The following PLLP variants were observed in gnomAD, a reference collection of about 807,000 sequenced individuals.
The protein encoded by PLLP is plasma membrane proteolipid (plasmolipin).
Under a neutral mutation model 19.7 loss-of-function variants are expected in PLLP, and 15 were observed. The ratio of observed to expected loss-of-function variants is 0.76; its 90% confidence interval spans 0.51 to 1.17. The LOEUF (loss-of-function observed/expected upper bound fraction) is 1.17. Among genes scored for constraint, PLLP ranks in the 50% most tolerant of loss-of-function variants. The probability of loss-of-function intolerance (pLI) is 0.00; values close to 1 mark genes in which losing one functional copy is unlikely to be tolerated. For synonymous variants in PLLP, 111 were observed against 116.3 expected, an observed-to-expected ratio of 0.95 and a Z score of 0.29; for missense variants, 255 against 258.3, an observed-to-expected ratio of 0.99 and a Z score of 0.09.
chr16:57,262,165 T>TA, intron 1 of PLLP, 95 bp from the exon 2 acceptor site: 1 of 1,234,724 alleles, frequency 8.1e-7, no homozygotes, highest in Non-Finnish European at 1.2e-6. Flanking sequence ...CTCATGCCTG[T>TA]AATGTCAGCA....
In PLLP at chr16:57,284,584, C is replaced by G. The variant is rs759742764; in HGVS notation, c.-44G>C. 1 of 1,315,972 alleles carries G rather than the reference C, an allele frequency of 7.6e-7. No individual in the cohort carries two copies. 81.5% of individuals were successfully genotyped at this position (1,315,972 alleles called of 1,614,324 possible). ...CCGAGGTCGCTACGGCCGCCGTCGC[C>G]GCCCCTCCAGCGGTGGGTGCCGGCT... On this transcript the variant is annotated 5_prime_UTR_variant, in exon 1 of 4. Coordinates refer to ENST00000219207, the MANE Select transcript of PLLP (RefSeq NM_015993.3).
At position 57,283,594 on chromosome 16, in the gene PLLP, G is replaced by A. The variant is rs190271667; in HGVS notation, c.135+812C>T. 1.2e-3 allele frequency among the ~76,000 whole-genome samples: 184 copies of A among 152,352 alleles called. 4 individuals carry two copies. The South Asian group carries it at 0.013, about 11-fold the overall frequency. ...TCCAGACCCTCACGAAAGGGTGGCA[G>A]AGGAAGAAGCTAACATCCGGGCCTG... is the stretch of plus-strand genomic sequence containing the variant. On this transcript the variant is annotated intron_variant, in intron 1 of 3. Coordinates refer to ENST00000219207, the MANE Select transcript of PLLP (RefSeq NM_015993.3).
intron 1 of PLLP, among the ~76,000 whole-genome samples, chr16:57,272,788 T>C (rs1901089809): frequency 6.6e-6 from 1 of 151,620 alleles, no homozygotes; most frequent in Non-Finnish European, 1.5e-5. Context: ...TCCCCATCTC[T>C]ACAAAAAAAC....
chr16:57,265,436 G>T (rs1157654870), intron 1 of PLLP, among the ~76,000 whole-genome samples: 1 of 152,224 alleles, frequency 6.6e-6, no homozygotes, highest in Non-Finnish European at 1.5e-5. Flanking sequence ...AATTCCTCAT[G>T]GGCCTCCGCT....
chr16:57,258,730 T>C, intron 2 of PLLP, 146 bp from the exon 3 acceptor site: 1 of 752,220 alleles, frequency 1.3e-6, no homozygotes, highest in Non-Finnish European at 2.2e-6. Flanking sequence ...GAGACCAGCC[T>C]GGGGAACATA....
chr16:57,280,113 CCCTT>C (rs1318647458), intron 1 of PLLP, among the ~76,000 whole-genome samples: 1 of 152,204 alleles, frequency 6.6e-6, no homozygotes, highest in East Asian at 1.9e-4. Flanking sequence ...TGATGAGTCT[CCCTT>C]CCTGCAGTCC....
chr16:57,268,531 C>G (rs2075464858), intron 1 of PLLP, among the ~76,000 whole-genome samples: 1 of 152,178 alleles, frequency 6.6e-6, no homozygotes, highest in African/African-American at 2.4e-5. Flanking sequence ...CACTTTGTCA[C>G]CCAGGCTGGA....
intron 1 of PLLP, among the ~76,000 whole-genome samples, chr16:57,281,113 C>T (rs899698527): frequency 1.1e-4 from 16 of 152,222 alleles, no homozygotes; most frequent in African/African-American, 3.9e-4. Context: ...CCAAGAGCTC[C>T]TGGAAAGCAG....
intron 2 of PLLP, among the ~76,000 whole-genome samples, chr16:57,259,715 G>A (rs956907287): frequency 1.2e-4 from 19 of 152,316 alleles, no homozygotes; most frequent in Non-Finnish European, 7.4e-5. Context: ...TGTGGCTCAT[G>A]CCTGTAATCC....
At chr16:57,266,326 C>A (rs1762030162) in intron 1 of PLLP, among the ~76,000 whole-genome samples, 1 of 152,178 alleles carries the variant, frequency 6.6e-6, no homozygotes, top group South Asian at 2.1e-4. Flanking sequence ...TGCTGCCTGG[C>A]TCTGTGCCTG....
intron 2 of PLLP, among the ~76,000 whole-genome samples, chr16:57,260,467 C>T (rs1016361396): frequency 5.9e-5 from 9 of 152,170 alleles, no homozygotes; most frequent in African/African-American, 1.7e-4. Flanking sequence ...TCCCTGCAAG[C>T]CCAGCGACCC....
chr16:57,274,824 C>T (rs1156534982), intron 1 of PLLP, among the ~76,000 whole-genome samples: 15 of 151,770 alleles, frequency 9.9e-5, no homozygotes, highest in African/African-American at 3.4e-4. Flanking sequence ...TGCAGTGATG[C>T]GATCTTGTCT....
Position 57,284,405 on chromosome 16 carries a change from C to G in PLLP, c.135+1G>C. 1.4e-6 allele frequency: 2 copies of G among 1,411,220 alleles called. No homozygotes were observed. Among genetic ancestry groups the G allele is most frequent in the South Asian group, 2.9e-5 (2 of 68,934 alleles). The allele number at this position is 1,411,220 out of a possible 1,614,324, so 87.4% of individuals were successfully genotyped here. ...CCCCGTGGGCCCGCGCGTGCTCTCACCAGCTGCAGCAGCATGAGCGCCCCG... is the reference window on the plus strand; with the variant it reads ...CCCCGTGGGCCCGCGCGTGCTCTCAGCAGCTGCAGCAGCATGAGCGCCCCG... On this transcript the variant is annotated splice_donor_variant, in intron 1 of 3. Transcript: ENST00000219207. LOFTEE classifies it high-confidence loss of function.
chr16:57,276,046 T>C (rs1167965673), intron 1 of PLLP, among the ~76,000 whole-genome samples: 6 of 152,170 alleles, frequency 3.9e-5, no homozygotes, highest in African/African-American at 1.4e-4. Context: ...AGGCGGAGGT[T>C]GCAGTGATTC....
intron 1 of PLLP, among the ~76,000 whole-genome samples, chr16:57,267,283 C>G (rs1194605038): frequency 6.6e-6 from 1 of 152,178 alleles, no homozygotes; most frequent in Non-Finnish European, 1.5e-5. Flanking sequence ...TGAAAACAGG[C>G]TCTGGCCAGG....
At chr16:57,277,361 G>C (rs1274630843) in intron 1 of PLLP, among the ~76,000 whole-genome samples, 2 of 152,112 alleles carry the variant, frequency 1.3e-5, no homozygotes, top group African/African-American at 4.8e-5. Flanking sequence ...AGGCCGAGGC[G>C]GGCGGATCAC....
intron 1 of PLLP, among the ~76,000 whole-genome samples, chr16:57,274,213 G>GAC (rs1901121076): frequency 6.6e-6 from 1 of 151,674 alleles, no homozygotes; most frequent in Non-Finnish European, 1.5e-5. Context: ...GAACTCCTAG[G>GAC]CTCAAGTGAT....
At chr16:57,266,863 C>CTTTTTTTTTT (rs34562097) in intron 1 of PLLP, among the ~76,000 whole-genome samples, 1 of 97,338 alleles carries the variant, frequency 1.0e-5, no homozygotes, top group Non-Finnish European at 2.1e-5. Flanking sequence ...GGCACAGGGC[C>CTTTTTTTTTT]TTTTTTTTTT....
In PLLP at chr16:57,284,467, G is replaced by A. The variant is rs1406515938; in HGVS notation, c.74C>T (p.Ala25Val). The A allele has an allele frequency of 3.5e-6, 5 of 1,424,394 alleles. No homozygotes were observed. The highest frequency in any genetic ancestry group is 3.0e-5 in the African/African-American group (2 of 67,638). 88.2% of individuals were successfully genotyped at this position (1,424,394 alleles called of 1,614,324 possible). Residue 25 changes from alanine to valine, a missense_variant, in exon 1 of 4, where the codon GCG (alanine) becomes GTG (valine). Transcript: ENST00000219207. ...CACGAAGCCCAGGTCCGGGCGCAGC[G>A]CCGACACCGAGGCTTCGGCGCCCTG... ...PAQGAEASVS[A>V]LRPDLGFVRS...
Sources: allele counts gnomAD v4.1 joint callset (sites outside exome capture counted in the v4.1 genomes callset), GRCh38; gene constraint gnomAD v4.1.1; transcripts MANE v1.5; gene names NCBI Gene and HGNC (gene_info 2026-07-23, HGNC 2026-07-21).